TP63: variants seen among roughly 807,000 people sequenced by gnomAD.
The protein encoded by TP63 is tumor protein p63.
TP63 carries 17 observed loss-of-function variants against 82.8 expected under a neutral mutation model. The ratio of observed to expected loss-of-function variants is 0.21; its 90% CI spans 0.14 to 0.31. The LOEUF (loss-of-function observed/expected upper bound fraction) is 0.31, where lower values mean the gene tolerates loss of function less well. Among genes scored for constraint, TP63 ranks in the 10% least tolerant of loss-of-function variants. TP63 has a pLI of 1.00. For missense variants in TP63, 648 were observed against 895.3 expected (o/e 0.72, Z 3.52); for synonymous variants, 330 against 321.7 (o/e 1.03, Z -0.28).
intron 4 of TP63, among the ~76,000 whole-genome samples, chr3:189,863,231 A>G (rs11924151): frequency 0.36 from 55,439 of 152,118 alleles, 11,349 homozygotes; most frequent in Non-Finnish European, 0.47. Flanking sequence ...ACTCTTGGCC[A>G]GCAATTCCAG....
Position 189,867,952 on chromosome 3 carries a change from G to T in TP63, c.992+10G>T. The T allele has an allele frequency of 6.2e-7, 1 of 1,608,744 alleles. No individual in the cohort carries two copies. The highest frequency in any genetic ancestry group is 8.5e-7 in the Non-Finnish European group (1 of 1,175,842). On this transcript the variant is annotated intron_variant, in intron 7 of 13. Transcript: ENST00000264731. ...CTCTGGAAACCAGAGAGTAAGTGGC[G>T]TATGTAAAATTGTCATTCTACACAA...
intron 1 of TP63, among the ~76,000 whole-genome samples, chr3:189,674,358 T>C (rs1270866165): frequency 6.6e-6 from 1 of 152,118 alleles, no homozygotes; most frequent in African/African-American, 2.4e-5. Flanking sequence ...AATGTCTTAT[T>C]TCTGGTTCCC....
At position 189,894,266 on chromosome 3, in the gene TP63, G is replaced by A. The variant is rs767906723; in HGVS notation, c.1807G>A (p.Asp603Asn). The A allele has an allele frequency of 6.2e-7, 1 of 1,614,002 alleles. No homozygotes were observed. Among genetic ancestry groups the A allele is most frequent in the Non-Finnish European group, 8.5e-7 (1 of 1,179,996 alleles). ...FRHAIWKGIL[D>N]HRQLHEFSSP... ...ACATGCGATCTGGAAGGGCATCCTG[G>A]ACCACCGGCAGCTCCACGAATTCTC... The change falls in exon 14 of 14, where the codon GAC (aspartate) becomes AAC (asparagine). Residue 603 changes from aspartate to asparagine, a missense_variant. Physicochemically the swap from Asp to Asn is conservative, Grantham distance 23. Around this residue, in one of 5 missense-constraint regions of TP63, gnomAD observed 342 missense variants for 425.7 expected, o/e 0.80. Coordinates refer to ENST00000264731, the MANE Select transcript of TP63 (RefSeq NM_003722.5).
intron 1 of TP63, among the ~76,000 whole-genome samples, chr3:189,673,093 A>T (rs540100571): frequency 2.6e-5 from 4 of 152,018 alleles, no homozygotes; most frequent in African/African-American, 9.7e-5. Context: ...CACCCTCCTC[A>T]GCCTCCCAAA....
intron 1 of TP63, among the ~76,000 whole-genome samples, chr3:189,733,892 A>G (rs1242959225): frequency 6.6e-6 from 1 of 152,142 alleles, no homozygotes; most frequent in African/African-American, 2.4e-5. Context: ...ATACAGGATT[A>G]TCAGATGGTC....
chr3:189,791,699 T>A (rs951578670), intron 3 of TP63, among the ~76,000 whole-genome samples: 1 of 152,100 alleles, frequency 6.6e-6, no homozygotes, highest in Non-Finnish European at 1.5e-5. Flanking sequence ...CACCAGTGCA[T>A]GTATTAGGTT....
At chr3:189,764,723 G>A (rs1355661734) in intron 3 of TP63, among the ~76,000 whole-genome samples, 1 of 152,130 alleles carries the variant, frequency 6.6e-6, no homozygotes, top group Non-Finnish European at 1.5e-5. Context: ...CTCCCAAGAA[G>A]CTGGGAGCTC....
intron 1 of TP63, among the ~76,000 whole-genome samples, chr3:189,666,867 G>T (rs1195256273): frequency 6.7e-6 from 1 of 149,474 alleles, no homozygotes; most frequent in South Asian, 2.2e-4. Flanking sequence ...GTATGTAAAT[G>T]GGTTTACATG....
intron 3 of TP63, among the ~76,000 whole-genome samples, chr3:189,802,095 G>A (rs1726369893): frequency 6.6e-6 from 1 of 152,182 alleles, no homozygotes; most frequent in African/African-American, 2.4e-5. Flanking sequence ...TCTCTGAGGT[G>A]GGGCAGGTGG....
intron 4 of TP63, among the ~76,000 whole-genome samples, chr3:189,815,519 TTA>T (rs1728089019): frequency 6.6e-6 from 1 of 152,096 alleles, no homozygotes; most frequent in Non-Finnish European, 1.5e-5. Context: ...ATTAAATTAA[TTA>T]TCACAATATT....
chr3:189,627,858 T>A (rs1352060879), upstream of TP63, among the ~76,000 whole-genome samples: 1 of 152,154 alleles, frequency 6.6e-6, no homozygotes, highest in Non-Finnish European at 1.5e-5. Context: ...ACACTTGGAA[T>A]TGGCGAATTT....
chr3:189,680,457 A>T (rs143514098), intron 1 of TP63, among the ~76,000 whole-genome samples: 369 of 152,330 alleles, frequency 2.4e-3, no homozygotes, highest in Admixed American at 4.6e-3. Flanking sequence ...CATTCCACTG[A>T]TACTAAATCC....
intron 1 of TP63, among the ~76,000 whole-genome samples, chr3:189,695,765 T>A (rs1214648881): frequency 6.6e-6 from 1 of 152,212 alleles, no homozygotes; most frequent in Non-Finnish European, 1.5e-5. Flanking sequence ...GCATCATCCA[T>A]TTACTTAATT....
intron 1 of TP63, among the ~76,000 whole-genome samples, chr3:189,684,042 C>T (rs920220238): frequency 8.5e-5 from 13 of 152,126 alleles, no homozygotes; most frequent in Admixed American, 5.9e-4. Flanking sequence ...ATCATTATGA[C>T]GGTAATACAA....
In TP63 at chr3:189,645,707, C is replaced by T. The variant is rs1028169327; in HGVS notation, c.62+14130C>T. Among the ~76,000 whole-genome samples, 7 of 145,550 alleles carry T rather than the reference C, an allele frequency of 4.8e-5. 2 individuals carry two copies. Among genetic ancestry groups the T allele is most frequent in the African/African-American group, 1.8e-4 (7 of 38,590 alleles). ...TGTGTGATGTTCCCTGCCCTGTGTC[C>T]ATGTGTTCTCATTGTTCAATTCCCA... On this transcript the variant is annotated intron_variant, in intron 1 of 13. Coordinates refer to ENST00000264731, the MANE Select transcript of TP63 (RefSeq NM_003722.5).
At chr3:189,856,106 T>C (rs1716261027) in intron 4 of TP63, among the ~76,000 whole-genome samples, 1 of 151,814 alleles carries the variant, frequency 6.6e-6, no homozygotes, top group South Asian at 2.1e-4. Flanking sequence ...ATTTAATGCC[T>C]ATAAGTAGGA....
intron 10 of TP63, among the ~76,000 whole-genome samples, chr3:189,885,225 A>T (rs1198134462): frequency 6.6e-6 from 1 of 152,230 alleles, no homozygotes; most frequent in Non-Finnish European, 1.5e-5. Context: ...CTGTGGTCAC[A>T]GTAATTCAGT....
chr3:189,836,205 A>G (rs1713126874), intron 4 of TP63, among the ~76,000 whole-genome samples: 1 of 152,192 alleles, frequency 6.6e-6, no homozygotes, highest in Non-Finnish European at 1.5e-5. Context: ...AAGGAAATTA[A>G]TCAAATGTAC....
chr3:189,752,835 T>C (rs998212494), intron 3 of TP63, among the ~76,000 whole-genome samples: 3 of 152,150 alleles, frequency 2.0e-5, no homozygotes, highest in Admixed American at 6.5e-5. Context: ...TACAATACGT[T>C]TTGATATATT....
Sources: allele counts gnomAD v4.1 joint callset (sites outside exome capture counted in the v4.1 genomes callset), GRCh38; gene constraint gnomAD v4.1.1; regional missense constraint gnomAD v4.1.1; transcripts MANE v1.5; gene names NCBI Gene and HGNC (gene_info 2026-07-23, HGNC 2026-07-21).